ZCWPW2: variants seen among roughly 807,000 people sequenced by gnomAD.
The protein encoded by ZCWPW2 is zinc finger CW-type and PWWP domain containing 2.
ZCWPW2 carries 45 observed loss-of-function variants against 46.6 expected under a neutral mutation model. The ratio of observed to expected loss-of-function variants is 0.96; its 90% CI spans 0.76 to 1.24. ZCWPW2 has a LOEUF of 1.24. Ranked by LOEUF, ZCWPW2 falls within the 50% of genes most tolerant of loss-of-function variation. The pLI, the probability that ZCWPW2 is intolerant of heterozygous loss-of-function variation, is 0.00. For synonymous variants in ZCWPW2, 152 were observed against 137.1 expected, an observed-to-expected ratio of 1.11 and a Z score of -0.76; for missense variants, 429 against 403.9, an observed-to-expected ratio of 1.06 and a Z score of -0.53.
At chr3:28,494,372 T>C (rs1699917001) in intron 6 of ZCWPW2, among the ~76,000 whole-genome samples, 1 of 120,996 alleles carries the variant, frequency 8.3e-6, no homozygotes, top group Non-Finnish European at 1.7e-5. Context: ...TACATATGGC[T>C]AGCCAGTTTT....
chr3:28,380,999 G>GTAT (rs1559480837), intron 1 of ZCWPW2, among the ~76,000 whole-genome samples: 1 of 1,988 alleles, frequency 5.0e-4, no homozygotes. Context: ...ATATATATTT[G>GTAT]GTATATATAT....
chr3:28,361,508 C>A (rs1317328027), intron 1 of ZCWPW2, among the ~76,000 whole-genome samples: 1 of 145,710 alleles, frequency 6.9e-6, no homozygotes, highest in African/African-American at 2.5e-5. Flanking sequence ...ACCAAAAGCA[C>A]AGGAATAAAA....
intron 3 of ZCWPW2, among the ~76,000 whole-genome samples, chr3:28,427,647 A>G (rs989345396): frequency 6.6e-6 from 1 of 152,130 alleles, no homozygotes; most frequent in Non-Finnish European, 1.5e-5. Flanking sequence ...CTCTGTTTTT[A>G]TTTATAAAGT....
At chr3:28,412,611 G>C (rs1696444750) in intron 2 of ZCWPW2, among the ~76,000 whole-genome samples, 1 of 151,932 alleles carries the variant, frequency 6.6e-6, no homozygotes, top group Admixed American at 6.6e-5. Context: ...CTTCAGTTTT[G>C]TCTGTAAAAA....
At chr3:28,456,348 A>G (rs2125784287) in intron 4 of ZCWPW2, among the ~76,000 whole-genome samples, 1 of 152,278 alleles carries the variant, frequency 6.6e-6, no homozygotes, top group South Asian at 2.1e-4. Context: ...ACTGTGTTGA[A>G]GTTGCTTATC....
chr3:28,456,383 A>G (rs1698423724), intron 4 of ZCWPW2, among the ~76,000 whole-genome samples: 1 of 152,202 alleles, frequency 6.6e-6, no homozygotes, highest in Non-Finnish European at 1.5e-5. Flanking sequence ...CTGGGCTGAG[A>G]TGATGGGGTT....
At chr3:28,482,788 T>C (rs1214416477) in intron 5 of ZCWPW2, among the ~76,000 whole-genome samples, 1 of 152,222 alleles carries the variant, frequency 6.6e-6, no homozygotes, top group African/African-American at 2.4e-5. Flanking sequence ...ATTTGCCACC[T>C]TTCTATCTTC....
rs1210111550 is a variant in ZCWPW2, at chr3:28,365,265, G to T, written c.-134+16062G>T. On this transcript the variant is annotated intron_variant, in intron 1 of 9. Coordinates refer to ENST00000383768, the MANE Select transcript of ZCWPW2 (RefSeq NM_001040432.4). ...GGTATTGCCTAGGTTTTCTTCTAGG[G>T]TTTTCATGGTTTTATGTCTAACATT... Among the ~76,000 whole-genome samples the T allele has an allele frequency of 3.5e-5, 5 of 142,556 alleles. 1 individual carries two copies. The highest frequency in any genetic ancestry group is 1.3e-4 in the African/African-American group (5 of 39,956). The allele number at this position is 142,556 out of a possible 152,430, so 93.5% of individuals were successfully genotyped here. A position where few individuals can be genotyped will look rare whatever the true frequency, so the allele number is the denominator to read the frequency against.
chr3:28,362,428 A>C (rs1704974454), intron 1 of ZCWPW2, among the ~76,000 whole-genome samples: 1 of 152,178 alleles, frequency 6.6e-6, no homozygotes, highest in Admixed American at 6.5e-5. Context: ...GCATGAACAG[A>C]CACTTTTCAA....
At chr3:28,411,816 T>C (rs1559493959) in intron 2 of ZCWPW2, among the ~76,000 whole-genome samples, 1 of 152,146 alleles carries the variant, frequency 6.6e-6, no homozygotes, top group Non-Finnish European at 1.5e-5. Context: ...TAAAAGTTTA[T>C]ATCTTCTGCT....
intron 5 of ZCWPW2, among the ~76,000 whole-genome samples, chr3:28,490,924 A>G (rs1369217823): frequency 6.6e-6 from 1 of 152,132 alleles, no homozygotes; most frequent in Non-Finnish European, 1.5e-5. Flanking sequence ...GGTAAAATGT[A>G]TATTTCAGAT....
chr3:28,411,310 A>T (rs1696387821), intron 2 of ZCWPW2, among the ~76,000 whole-genome samples: 1 of 152,008 alleles, frequency 6.6e-6, no homozygotes, highest in African/African-American at 2.4e-5. Flanking sequence ...AAAGAATTTG[A>T]TGAAATTAAA....
chr3:28,362,705 T>C (rs1316839680), intron 1 of ZCWPW2, among the ~76,000 whole-genome samples: 3 of 152,148 alleles, frequency 2.0e-5, no homozygotes, highest in African/African-American at 4.8e-5. Context: ...CTGTTTAACC[T>C]AGCAATCTCA....
At chr3:28,429,643 A>G (rs1408134391) in intron 3 of ZCWPW2, among the ~76,000 whole-genome samples, 1 of 152,196 alleles carries the variant, frequency 6.6e-6, no homozygotes. Context: ...GGCATATCAG[A>G]GGTCTTCATG....
intron 4 of ZCWPW2, among the ~76,000 whole-genome samples, chr3:28,462,839 A>G (rs181157071): frequency 1.6e-4 from 24 of 152,334 alleles, no homozygotes; most frequent in Admixed American, 1.6e-3. Context: ...ATGCAGAAAT[A>G]GCACAAACCT....
At chr3:28,398,524 A>G (rs1695793338) in intron 2 of ZCWPW2, among the ~76,000 whole-genome samples, 1 of 152,180 alleles carries the variant, frequency 6.6e-6, no homozygotes, top group South Asian at 2.1e-4. Context: ...GACTGCAGGA[A>G]TAAATCAAGA....
chr3:28,370,756 G>A (rs150387166), intron 1 of ZCWPW2, among the ~76,000 whole-genome samples: 68 of 152,232 alleles, frequency 4.5e-4, no homozygotes, highest in African/African-American at 1.4e-3. Flanking sequence ...TTTTGAGATA[G>A]AGTTTTGCTC....
chr3:28,488,582 G>A (rs1417109183), intron 5 of ZCWPW2, among the ~76,000 whole-genome samples: 1 of 152,138 alleles, frequency 6.6e-6, no homozygotes, highest in Non-Finnish European at 1.5e-5. Flanking sequence ...GTTAATATTT[G>A]TATTTCTCCC....
intron 4 of ZCWPW2, among the ~76,000 whole-genome samples, chr3:28,474,458 C>T (rs1699152046): frequency 6.6e-6 from 1 of 152,022 alleles, no homozygotes; most frequent in Non-Finnish European, 1.5e-5. Flanking sequence ...TAGGAACAAC[C>T]TAAGTGTCCA....
Sources: gnomAD v4.1 joint callset for allele counts (sites outside exome capture counted in the v4.1 genomes callset) on GRCh38, gnomAD v4.1.1 for gene constraint, MANE v1.5 for transcripts, NCBI Gene and HGNC (gene_info 2026-07-23, HGNC 2026-07-21) for gene names.